Variants in DNAJC6 observed in about 807,000 individuals in gnomAD.
DNAJC6 encodes auxilin.
A neutral mutation model predicts 110.0 loss-of-function variants in DNAJC6; 34 were observed. The ratio of observed to expected loss-of-function variants is 0.31; its 90% CI spans 0.24 to 0.41. The LOEUF (loss-of-function observed/expected upper bound fraction) is 0.41. Among genes scored for constraint, DNAJC6 ranks in the 10% least tolerant of loss-of-function variants. The pLI, the probability that DNAJC6 is intolerant of heterozygous loss-of-function variation, is 1.00. For synonymous variants in DNAJC6, 406 were observed against 437.2 expected, an observed-to-expected ratio of 0.93 and a Z score of 0.89; for missense variants, 1,031 against 1,207.8, an observed-to-expected ratio of 0.85 and a Z score of 2.17.
intron 14 of DNAJC6, among the ~76,000 whole-genome samples, chr1:65,399,866 T>C (rs1410812730): frequency 6.6e-6 from 1 of 152,160 alleles, no homozygotes; most frequent in East Asian, 1.9e-4. Context: ...GTGACAGGAT[T>C]TCCTTCTGTT....
chr1:65,295,016 A>G (rs1489938677), intron 1 of DNAJC6, among the ~76,000 whole-genome samples: 1 of 152,260 alleles, frequency 6.6e-6, no homozygotes, highest in Non-Finnish European at 1.5e-5. Context: ...TATGTGTTAT[A>G]GAGAAGTAGG....
At chr1:65,384,651 G>C (rs1645853376) in intron 6 of DNAJC6, among the ~76,000 whole-genome samples, 1 of 152,068 alleles carries the variant, frequency 6.6e-6, no homozygotes, top group African/African-American at 2.4e-5. Context: ...GATCTCATGA[G>C]ACTTATTCAC....
At chr1:65,295,154 C>G (rs1644917047) in intron 1 of DNAJC6, among the ~76,000 whole-genome samples, 1 of 152,120 alleles carries the variant, frequency 6.6e-6, no homozygotes, top group Admixed American at 6.5e-5. Context: ...GACAGAGATG[C>G]AATCTGAATT....
At chr1:65,368,573 C>T (rs924792334) in intron 4 of DNAJC6, among the ~76,000 whole-genome samples, 18 of 136,116 alleles carry the variant, frequency 1.3e-4, no homozygotes, top group Admixed American at 2.9e-4. Context: ...TCCTTCTTTC[C>T]TCTTCTTCCT....
At chr1:65,399,115 G>C (rs185180095) in intron 14 of DNAJC6, among the ~76,000 whole-genome samples, 730 of 152,120 alleles carry the variant, frequency 4.8e-3, no homozygotes, top group Middle Eastern at 0.01. Flanking sequence ...GTCTTATCTT[G>C]ACAATAGAAT....
In DNAJC6 at chr1:65,406,092, C is replaced by T. The variant is rs777062273; in HGVS notation, c.2450C>T (p.Pro817Leu). 12 of 1,614,100 alleles carry T rather than the reference C, an allele frequency of 7.4e-6. No individual in the cohort carries two copies. In the African/African-American group the frequency reaches 1.6e-4, roughly 22 times the overall value. Residue 817 changes from proline to leucine, a missense_variant, in exon 16 of 19, where the codon CCT becomes CTT. Physicochemically the swap from Pro to Leu is moderately conservative, Grantham distance 98. Coordinates refer to ENST00000371069, the MANE Select transcript of DNAJC6 (RefSeq NM_001256864.2). ...TACAACGTGAGCTTCTCAGCCATGC[C>T]TGGGGGCCAGAACGAACGTGGGAAA... ...PNYNVSFSAM[P>L]GGQNERGKGS... is the part of the protein sequence containing the mutation.
intron 1 of DNAJC6, among the ~76,000 whole-genome samples, chr1:65,293,031 A>G (rs926479334): frequency 2.9e-4 from 44 of 152,332 alleles, no homozygotes; most frequent in African/African-American, 1.0e-3. Flanking sequence ...CAAGAGAGCA[A>G]GCAGAAATCC....
rs1488462112 is a variant in DNAJC6, at chr1:65,414,917, A to G, written c.*1892A>G. ...GATGTCACGTATTTTGAAATGATAGAACTACATTAGCTTTGTATCATGTTT... is the reference window on the plus strand; with the variant it reads ...GATGTCACGTATTTTGAAATGATAGGACTACATTAGCTTTGTATCATGTTT... On this transcript the variant is annotated 3_prime_UTR_variant, in exon 19 of 19. Coordinates refer to ENST00000371069, the MANE Select transcript of DNAJC6 (RefSeq NM_001256864.2). 1 of 152,664 alleles carries G rather than the reference A, an allele frequency of 6.6e-6. No homozygotes were observed. The highest frequency in any genetic ancestry group is 6.5e-5 in the Admixed American group (1 of 15,282). The allele number at this position is 152,664 out of a possible 1,614,324, so 9.5% of individuals were successfully genotyped here. A position where few individuals can be genotyped will look rare whatever the true frequency, so the allele number is the denominator to read the frequency against.
intron 1 of DNAJC6, among the ~76,000 whole-genome samples, chr1:65,296,401 T>C (rs1644928718): frequency 6.6e-6 from 1 of 152,194 alleles, no homozygotes; most frequent in South Asian, 2.1e-4. Context: ...TGTGATGGAA[T>C]GCTGAGAACT....
At position 65,309,896 on chromosome 1, in the gene DNAJC6, GC is replaced by G; in HGVS notation, c.154del (p.Arg52AspfsTer32). 6.5e-7 allele frequency: 1 copy of G among 1,540,772 alleles called. No homozygotes were observed. Among genetic ancestry groups the G allele is most frequent in the Non-Finnish European group, 8.8e-7 (1 of 1,142,044 alleles). Reference protein sequence around the residue: ...VNAGAAARSPARQPPDRASTM... With the variant: ...VNAGAAARSPXRQPPDRASTM... The stretch of plus-strand genomic sequence containing the variant: ...CGCCGGGGCAGCGGCGCGGAGTCCC[GC>G]CCGACAGCCTCCGGACCGCGCCAGC... On this transcript the variant is annotated frameshift_variant, in exon 1 of 19. Transcript: ENST00000371069. LOFTEE classifies it high-confidence loss of function.
rs769003540 is a variant in DNAJC6, at chr1:65,389,464, A to G, written c.1387+15A>G. On this transcript the variant is annotated intron_variant, in intron 10 of 18. Transcript: ENST00000371069. ...GGCCTTAGGAGGTATGAGTCACCTG[A>G]TGGTTTTGTTTTTCAGGATGAAGCC... The G allele has an allele frequency of 1.2e-6, 2 of 1,613,676 alleles. No individual in the cohort carries two copies. The highest frequency in any genetic ancestry group is 8.5e-7 in the Non-Finnish European group (1 of 1,179,774).
At chr1:65,374,323 A>G (rs1261195532) in intron 4 of DNAJC6, among the ~76,000 whole-genome samples, 2 of 151,602 alleles carry the variant, frequency 1.3e-5, no homozygotes, top group African/African-American at 4.9e-5. Flanking sequence ...GAAGAATGTC[A>G]TTGGCATTTT....
Position 65,371,968 on chromosome 1 carries a change from A to G in DNAJC6, c.543+5772A>G, listed in dbSNP as rs538202153. Among the ~76,000 whole-genome samples the G allele has an allele frequency of 3.3e-5, 5 of 152,258 alleles. No individual in the cohort carries two copies. The South Asian group carries it at 8.3e-4, about 25-fold the overall frequency. On this transcript the variant is annotated intron_variant, in intron 4 of 18. Coordinates refer to ENST00000371069, the MANE Select transcript of DNAJC6 (RefSeq NM_001256864.2). ...AGAGCACATGCTTTTAAAAAATTCT[A>G]ATTGTATGTTTACTTAATGGTGTAT...
At chr1:65,325,701 TA>T (rs1020612346) in intron 1 of DNAJC6, among the ~76,000 whole-genome samples, 3 of 152,260 alleles carry the variant, frequency 2.0e-5, no homozygotes, top group South Asian at 2.1e-4. Context: ...CAGATATGCA[TA>T]GCTTAATATA....
chr1:65,316,971 T>C (rs1003404900), intron 1 of DNAJC6, among the ~76,000 whole-genome samples: 5 of 152,194 alleles, frequency 3.3e-5, no homozygotes, highest in Non-Finnish European at 7.4e-5. Flanking sequence ...GTATACAATT[T>C]TTTTAATGAA....
chr1:65,312,873 C>T (rs1570264064), intron 1 of DNAJC6, among the ~76,000 whole-genome samples: 1 of 152,144 alleles, frequency 6.6e-6, no homozygotes, highest in Non-Finnish European at 1.5e-5. Flanking sequence ...GATCTCAGCT[C>T]ATTGCAACCT....
Position 65,413,654 on chromosome 1 carries a change from TCTGA to T in DNAJC6, c.*632_*635del, listed in dbSNP as rs1255278527. ...ACAGTCCAGTGATTACCACCAACTT[TCTGA>T]CTAAGCTAAAAATGAATGAAAATGG... On this transcript the variant is annotated 3_prime_UTR_variant, in exon 19 of 19. Coordinates refer to ENST00000371069, the MANE Select transcript of DNAJC6 (RefSeq NM_001256864.2). 6.6e-6 allele frequency: 1 copy of T among 152,196 alleles called. No homozygotes were observed. The highest frequency in any genetic ancestry group is 2.4e-5 in the African/African-American group (1 of 41,446). The allele number at this position is 152,196 out of a possible 1,614,324, so 9.4% of individuals were successfully genotyped here. A position where few individuals can be genotyped will look rare whatever the true frequency, so the allele number is the denominator to read the frequency against.
intron 1 of DNAJC6, among the ~76,000 whole-genome samples, chr1:65,358,461 C>T (rs1645565593): frequency 6.6e-6 from 1 of 151,968 alleles, no homozygotes; most frequent in Admixed American, 6.5e-5. Context: ...AATGGTATTG[C>T]CTTCATAGGG....
chr1:65,329,297 C>T (rs1307203106), intron 1 of DNAJC6, among the ~76,000 whole-genome samples: 1 of 152,082 alleles, frequency 6.6e-6, no homozygotes, highest in African/African-American at 2.4e-5. Context: ...TCTTTTCCTT[C>T]ATTTATAAAG....
Sources: gnomAD v4.1 joint callset for allele counts (sites outside exome capture counted in the v4.1 genomes callset) on GRCh38, gnomAD v4.1.1 for gene constraint, MANE v1.5 for transcripts, NCBI Gene and HGNC (gene_info 2026-07-23, HGNC 2026-07-21) for gene names.